ADAMTS5: variants seen among roughly 807,000 people sequenced by gnomAD.
ADAMTS5 encodes the protein A disintegrin and metalloproteinase with thrombospondin motifs 5.
Under a neutral mutation model 81.4 loss-of-function variants are expected in ADAMTS5, and 54 were observed. The ratio of observed to expected loss-of-function variants is 0.66; its 90% CI spans 0.53 to 0.83. The LOEUF (loss-of-function observed/expected upper bound fraction) is 0.83, where lower values mean the gene tolerates loss of function less well. ADAMTS5 is among the 40% of genes least tolerant of loss of function. The pLI is 0.00. For synonymous variants in ADAMTS5, 532 were observed against 508.8 expected, an observed-to-expected ratio of 1.05 and a Z score of -0.61; for missense variants, 1,194 against 1,229.9, an observed-to-expected ratio of 0.97 and a Z score of 0.44.
chr21:26,965,690 C>T lies in ADAMTS5; in HGVS notation c.702G>A (p.Leu234=), dbSNP rs1252556341. Residue 234 remains leucine (L), a synonymous_variant, in exon 1 of 8, where the codon CTG becomes CTA. Transcript: ENST00000284987. ...CGGACTGGTCCAAGAGCTGCGAGGC[C>T]AGTGCTGCGCGTCCGCTCGGGTTGC... ...AHSNPSGRAA[L]ASQLLDQSAL... 2.5e-6 allele frequency: 4 copies of T among 1,582,498 alleles called. No homozygotes were observed. In the South Asian group the frequency reaches 4.6e-5, roughly 18 times the overall value.
At chr21:26,936,386 A>T (rs1265319132) in intron 3 of ADAMTS5, among the ~76,000 whole-genome samples, 1 of 152,232 alleles carries the variant, frequency 6.6e-6, no homozygotes, top group East Asian at 1.9e-4. Context: ...ATACAAAGCA[A>T]TGGTAGTTGT....
intron 2 of ADAMTS5, among the ~76,000 whole-genome samples, chr21:26,951,635 C>A (rs746091984): frequency 1.7e-5 from 2 of 118,116 alleles, no homozygotes; most frequent in East Asian, 2.8e-4. Context: ...GCTGAGCCTG[C>A]GCCATTGCAC....
Position 26,923,974 on chromosome 21 carries a change from A to T in ADAMTS5, c.*79T>A. On this transcript the variant is annotated 3_prime_UTR_variant, in exon 8 of 8. Transcript: ENST00000284987. The stretch of plus-strand genomic sequence containing the variant: ...ACTGAAGCATGACTTTCTGTGCGTT[A>T]GGTAGACCTCCTGTTCACCACGACT... 1 of 1,403,546 alleles carries T rather than the reference A, an allele frequency of 7.1e-7. No individual in the cohort carries two copies. 86.9% of individuals were successfully genotyped at this position (1,403,546 alleles called of 1,614,324 possible). A position where few individuals can be genotyped will look rare whatever the true frequency, so the allele number is the denominator to read the frequency against.
chr21:26,924,002 A>G lies in ADAMTS5; in HGVS notation c.*51T>C, dbSNP rs370761737. ...TAGACCTCCTGTTCACCACGACTGCATCAGTGCTGAATCCTCCAGTTATCT... is the reference window on the plus strand; with the variant it reads ...TAGACCTCCTGTTCACCACGACTGCGTCAGTGCTGAATCCTCCAGTTATCT... On this transcript the variant is annotated 3_prime_UTR_variant, in exon 8 of 8. Coordinates refer to ENST00000284987, the MANE Select transcript of ADAMTS5 (RefSeq NM_007038.5). 20 of 1,523,556 alleles carry G rather than the reference A, an allele frequency of 1.3e-5. No homozygotes were observed. Among genetic ancestry groups the G allele is most frequent in the Non-Finnish European group, 1.5e-5 (17 of 1,129,650 alleles). The allele number at this position is 1,523,556 out of a possible 1,614,324, so 94.4% of individuals were successfully genotyped here.
At position 26,965,654 on chromosome 21, in the gene ADAMTS5, G is replaced by T. The variant is rs371149891; in HGVS notation, c.738C>A (p.Pro246=). 44 of 1,592,926 alleles carry T rather than the reference G, an allele frequency of 2.8e-5. No individual in the cohort carries two copies. The highest frequency in any genetic ancestry group is 3.7e-5 in the Non-Finnish European group (43 of 1,172,306). ...SQLLDQSALS[P]AGGSGPQTWW... Reference sequence around the variant, plus strand: ...ACGTCTGCGGTCCTGAGCCCCCAGCGGGCGAGAGAGCGGACTGGTCCAAGA... The same window carrying T: ...ACGTCTGCGGTCCTGAGCCCCCAGCTGGCGAGAGAGCGGACTGGTCCAAGA... Residue 246 remains proline (P), a synonymous_variant, in exon 1 of 8, where the codon CCC becomes CCA. Transcript: ENST00000284987.
rs1986624395 is a variant in ADAMTS5, at chr21:26,918,516, T to G, written c.*5537A>C. 1 of 152,056 alleles carries G rather than the reference T, an allele frequency of 6.6e-6. No individual in the cohort carries two copies. Among genetic ancestry groups the G allele is most frequent in the African/African-American group, 2.4e-5 (1 of 41,430 alleles). The allele number at this position is 152,056 out of a possible 1,614,324, so 9.4% of individuals were successfully genotyped here. A position where few individuals can be genotyped will look rare whatever the true frequency, so the allele number is the denominator to read the frequency against. On this transcript the variant is annotated 3_prime_UTR_variant, in exon 8 of 8. Transcript: ENST00000284987. ...AAGCATATGTATGATTTCCTCTGAC[T>G]AATAGGTCATACAAATACGTAAGTA...
chr21:26,940,613 C>T (rs911765548), intron 3 of ADAMTS5, among the ~76,000 whole-genome samples: 1 of 151,968 alleles, frequency 6.6e-6, no homozygotes, highest in Non-Finnish European at 1.5e-5. Flanking sequence ...ATTGAGTGGC[C>T]TAGAAAATTA....
Position 26,924,607 on chromosome 21 carries a change from C to T in ADAMTS5, c.2239G>A (p.Asp747Asn). 4 of 1,610,110 alleles carry T rather than the reference C, an allele frequency of 2.5e-6. No homozygotes were observed. The highest frequency in any genetic ancestry group is 1.1e-5 in the South Asian group (1 of 90,632). ...TFNKKSKGYT[D>N]VVRIPEGATH... is the part of the protein sequence containing the mutation. ...GCCCCTTCAGGAATCCTCACCACGT[C>T]AGTGTAACCCTTACTGGAAGTAGGA... Residue 747 changes from aspartate to asparagine, a missense_variant, in exon 8 of 8, where the codon GAC (aspartate) becomes AAC (asparagine). By Grantham distance (23) the Asp-to-Asn change is conservative (BLOSUM62 1). Coordinates refer to ENST00000284987, the MANE Select transcript of ADAMTS5 (RefSeq NM_007038.5).
At position 26,924,512 on chromosome 21, in the gene ADAMTS5, T is replaced by G. The variant is rs768835197; in HGVS notation, c.2334A>C (p.Lys778Asn). The change falls in exon 8 of 8, where the codon AAA (lysine) becomes AAC (asparagine). Residue 778 changes from lysine to asparagine, a missense_variant. Lys to Asn is a moderately conservative substitution (Grantham distance 94). Around this residue, in one of 2 missense-constraint regions of ADAMTS5, gnomAD observed 696 missense variants for 817.6 expected, o/e 0.85. Transcript: ENST00000284987. Reference sequence around the variant, plus strand: ...TGATAAGGTACTCACCGTTTTTCTTTTTCAGGGCTAAATAGGCAGTGAATC... The same window carrying G: ...TGATAAGGTACTCACCGTTTTTCTTGTTCAGGGCTAAATAGGCAGTGAATC... ...QTRFTAYLAL[K>N]KKNGEYLING... The G allele has an allele frequency of 1.2e-6, 2 of 1,614,178 alleles. No homozygotes were observed. The highest frequency in any genetic ancestry group is 1.7e-6 in the Non-Finnish European group (2 of 1,180,028).
At chr21:26,938,480 A>T (rs1258284274) in intron 3 of ADAMTS5, among the ~76,000 whole-genome samples, 1 of 152,184 alleles carries the variant, frequency 6.6e-6, no homozygotes, top group Non-Finnish European at 1.5e-5. Flanking sequence ...CATATGTCTG[A>T]CTTATAGCAC....
At position 26,966,705 on chromosome 21, in the gene ADAMTS5, A is replaced by T. The variant is rs1156979410; in HGVS notation, c.-314T>A. On this transcript the variant is annotated 5_prime_UTR_variant, in exon 1 of 8. Transcript: ENST00000284987. ...GAGATTCAGCAAATACGGGAAAAGG[A>T]AAAAAACAAAAACCAAAAAACCACC... 6.6e-6 allele frequency among the ~76,000 whole-genome samples: 1 copy of T among 151,552 alleles called. No homozygotes were observed. The highest frequency in any genetic ancestry group is 1.5e-5 in the Non-Finnish European group (1 of 67,934).
chr21:26,942,885 C>CA (rs1356627211), intron 3 of ADAMTS5, among the ~76,000 whole-genome samples: 3 of 152,236 alleles, frequency 2.0e-5, no homozygotes, highest in African/African-American at 7.2e-5. Context: ...AGAATAAAAC[C>CA]AAATTCTTCT....
chr21:26,964,429 A>G (rs1987595723), intron 1 of ADAMTS5, among the ~76,000 whole-genome samples: 3 of 152,164 alleles, frequency 2.0e-5, no homozygotes, highest in Admixed American at 1.3e-4. Context: ...TAAAAGGGGG[A>G]AATGCTGGGA....
At chr21:26,951,679 CAAAAAAAAAAAAAAAAAAAAAAAAA>C (rs58060427) in intron 2 of ADAMTS5, among the ~76,000 whole-genome samples, 844 of 46,634 alleles carry the variant, frequency 0.018, 13 homozygotes, top group African/African-American at 0.062. Context: ...CCCTCCATCT[CAAAAAAAAAAAAAAAAAAAAAAAAA>C]AAAAAAAAAA....
chr21:26,949,933 T>C (rs1167376600), intron 2 of ADAMTS5, among the ~76,000 whole-genome samples: 1 of 152,200 alleles, frequency 6.6e-6, no homozygotes, highest in Non-Finnish European at 1.5e-5. Flanking sequence ...TCTGCAGCTT[T>C]TCAAAATATG....
intron 1 of ADAMTS5, among the ~76,000 whole-genome samples, chr21:26,955,551 T>C (rs779298623): frequency 6.6e-5 from 10 of 152,214 alleles, no homozygotes; most frequent in Non-Finnish European, 1.2e-4. Context: ...TAGTTTTTCA[T>C]AGATGTCATG....
intron 4 of ADAMTS5, among the ~76,000 whole-genome samples, chr21:26,933,979 C>T (rs143900854): frequency 2.0e-5 from 3 of 152,108 alleles, no homozygotes; most frequent in African/African-American, 4.8e-5. Flanking sequence ...CGTGTTTCCC[C>T]GGAGCAGTCG....
In ADAMTS5 at chr21:26,924,473, C is replaced by G; in HGVS notation, c.2373G>C (p.Met791Ile). The change falls in exon 8 of 8, where the codon ATG (methionine) becomes ATC (isoleucine). Residue 791 changes from methionine (M) to isoleucine (I), a missense_variant. By Grantham distance (10) the Met-to-Ile change is conservative. Transcript: ENST00000284987. ...CAATGATAGTCTCTGAAGTGGAGAT[C>G]ATGTACTTTCCATTGATAAGGTACT... Reference protein sequence around the residue: ...NGEYLINGKYMISTSETIIDI... With the variant: ...NGEYLINGKYIISTSETIIDI... 1 of 1,614,134 alleles carries G rather than the reference C, an allele frequency of 6.2e-7. No individual in the cohort carries two copies. Among genetic ancestry groups the G allele is most frequent in the Non-Finnish European group, 8.5e-7 (1 of 1,180,006 alleles).
At chr21:26,957,222 TTGA>T (rs1451038523) in intron 1 of ADAMTS5, among the ~76,000 whole-genome samples, 1 of 152,250 alleles carries the variant, frequency 6.6e-6, no homozygotes, top group African/African-American at 2.4e-5. Context: ...CTACTTTCTG[TTGA>T]TGATTTCTAA....
Sources: gnomAD v4.1 joint callset for allele counts (sites outside exome capture counted in the v4.1 genomes callset) on GRCh38, gnomAD v4.1.1 for gene constraint, gnomAD v4.1.1 regional missense constraint, MANE v1.5 for transcripts, NCBI Gene and HGNC (gene_info 2026-07-23, HGNC 2026-07-21) for gene names.